BRIP1: variants seen among roughly 807,000 people sequenced by gnomAD.
BRIP1 encodes BRCA1 interacting DNA helicase 1, also known as Fanconi anemia group J protein.
Under a neutral mutation model 119.7 loss-of-function variants are expected in BRIP1, and 88 were observed. The ratio of observed to expected loss-of-function variants is 0.74; its 90% CI spans 0.62 to 0.88. BRIP1 has a LOEUF of 0.88. BRIP1 is among the 40% of genes least tolerant of loss of function. BRIP1 has a pLI of 0.00. For missense variants in BRIP1, 1,259 were observed against 1,455.4 expected, an observed-to-expected ratio of 0.87 and a Z score of 2.20; for synonymous variants, 443 against 496.5, an observed-to-expected ratio of 0.89 and a Z score of 1.43.
Position 61,820,518 on chromosome 17 carries a change from T to C in BRIP1, c.628-11761A>G, listed in dbSNP as rs532994437. On this transcript the variant is annotated intron_variant, in intron 6 of 19. Coordinates refer to ENST00000259008, the MANE Select transcript of BRIP1 (RefSeq NM_032043.3). ...ACTAACATTGACTAGATTGCCACAT[T>C]TGGATGAGACATATACTCTCAAGGT... Among the ~76,000 whole-genome samples the C allele has an allele frequency of 2.6e-5, 4 of 152,276 alleles. No individual in the cohort carries two copies. In the South Asian group the frequency reaches 8.3e-4, roughly 32 times the overall value.
chr17:61,808,748 G>A lies in BRIP1; in HGVS notation c.637C>T (p.His213Tyr), dbSNP rs772140734. 1 of 1,612,710 alleles carries A rather than the reference G, an allele frequency of 6.2e-7. No homozygotes were observed. The highest frequency in any genetic ancestry group is 1.7e-5 in the Admixed American group (1 of 59,990). ...NSFSPQKPPG[H>Y]CSRCCCSTKQ... The stretch of plus-strand genomic sequence containing the variant: ...GTAGAACAACAGCACCTAGAACAGT[G>A]GCCAGGGGGCTGTAAGAAAGGAAAG... The change falls in exon 7 of 20, where the codon CAC becomes TAC. Residue 213 changes from histidine to tyrosine, a missense_variant. This residue lies in a region of BRIP1 where 501 missense variants were observed against 544.0 expected (regional missense o/e 0.92). Transcript: ENST00000259008. The surrounding 1 kb of genome is among the most constrained non-coding windows in gnomAD (Gnocchi z 4.1).
rs917063222 is a variant in BRIP1, at chr17:61,691,750, G to A, written c.2575+1680C>T. On this transcript the variant is annotated intron_variant, in intron 18 of 19. Transcript: ENST00000259008. The surrounding 1 kb of genome is among the most constrained non-coding windows in gnomAD (Gnocchi z 5.0). ...ATTACAGGCGTGAGCCACCATGCCC[G>A]GCTGCAATCTAAATTCATATGGAAC... is the stretch of plus-strand genomic sequence containing the variant. Among the ~76,000 whole-genome samples the A allele has an allele frequency of 3.9e-5, 6 of 152,106 alleles. No homozygotes were observed. The highest frequency in any genetic ancestry group is 1.3e-4 in the Admixed American group (2 of 15,258).
Position 61,857,117 on chromosome 17 carries a change from T to C in BRIP1, c.320A>G (p.His107Arg), listed in dbSNP as rs876659809. 6.2e-7 allele frequency: 1 copy of C among 1,614,044 alleles called. No homozygotes were observed. Among genetic ancestry groups the C allele is most frequent in the East Asian group, 2.2e-5 (1 of 44,876 alleles). The change falls in exon 4 of 20, where the codon CAT becomes CGT. Residue 107 changes from histidine to arginine, a missense_variant. His to Arg is a conservative substitution (Grantham distance 29). Around this residue, in one of 3 missense-constraint regions of BRIP1, gnomAD observed 501 missense variants for 544.0 expected, o/e 0.92. Coordinates refer to ENST00000259008, the MANE Select transcript of BRIP1 (RefSeq NM_032043.3). The surrounding 1 kb of genome is among the most constrained non-coding windows in gnomAD (Gnocchi z 5.1). ...AGGTGGTGTGCTTGGATAGTTGAAA[T>C]GACGTGAAGTTCCTTGGTTCATGTC... ...NNDMNQGTSR[H>R]FNYPSTPPSE...
chr17:61,797,063 A>G (rs1311686220), intron 9 of BRIP1, among the ~76,000 whole-genome samples: 1 of 152,044 alleles, frequency 6.6e-6, no homozygotes, highest in Non-Finnish European at 1.5e-5. Flanking sequence ...GTCTATTTTG[A>G]TATACAAAAA....
rs1260734029 is a variant in BRIP1, at chr17:61,803,348, T to C, written c.919-1874A>G. 6.6e-6 allele frequency among the ~76,000 whole-genome samples: 1 copy of C among 152,158 alleles called. No homozygotes were observed. The highest frequency in any genetic ancestry group is 2.4e-5 in the African/African-American group (1 of 41,440). On this transcript the variant is annotated intron_variant, in intron 7 of 19. Coordinates refer to ENST00000259008, the MANE Select transcript of BRIP1 (RefSeq NM_032043.3). The surrounding 1 kb of genome is among the most constrained non-coding windows in gnomAD (Gnocchi z 4.3). ...ATCCGCCTGCCTCGGCCTCCCAAAG[T>C]GCTGGGGATTACAGGCATGAGCCAC... is the stretch of plus-strand genomic sequence containing the variant.
intron 10 of BRIP1, among the ~76,000 whole-genome samples, chr17:61,785,601 G>T (rs1185602844): frequency 6.6e-6 from 1 of 151,920 alleles, no homozygotes; most frequent in East Asian, 1.9e-4. Context: ...TAAGTAGAAA[G>T]ACTTAAAAAA....
Position 61,780,794 on chromosome 17 carries a change from G to A in BRIP1, c.1794+46C>T, listed in dbSNP as rs2145088459. ...AGTCAACCACATTTATTAAAATGCT[G>A]GTACTGAGCAAGAAGACAAAATTTC... On this transcript the variant is annotated intron_variant, in intron 12 of 19. Coordinates refer to ENST00000259008, the MANE Select transcript of BRIP1 (RefSeq NM_032043.3). This position sits in a 1 kb window ranked among gnomAD's most constrained non-coding sequence, Gnocchi z 5.4. The A allele has an allele frequency of 6.4e-7, 1 of 1,563,662 alleles. No individual in the cohort carries two copies. The highest frequency in any genetic ancestry group is 1.7e-5 in the Admixed American group (1 of 59,944).
At chr17:61,711,046 A>C (rs188240322) in intron 17 of BRIP1, among the ~76,000 whole-genome samples, 14 of 151,814 alleles carry the variant, frequency 9.2e-5, no homozygotes, top group African/African-American at 2.2e-4. Flanking sequence ...AAAAAAAAAA[A>C]AAACAAACCC....
chr17:61,715,842 A>G, intron 17 of BRIP1, 109 bp downstream of exon 17: 1 of 669,984 alleles, frequency 1.5e-6, no homozygotes, highest in Admixed American at 2.9e-5. Context: ...CTATGGTTCC[A>G]GTTAAATAAA....
Position 61,803,136 on chromosome 17 carries a change from C to T in BRIP1, c.919-1662G>A, listed in dbSNP as rs186172899. Reference sequence around the variant, plus strand: ...AGAGATGGGAGTCTCACTCTGTCACCTGGGGTGCAGTGGCACGATCCAATC... The same window carrying T: ...AGAGATGGGAGTCTCACTCTGTCACTTGGGGTGCAGTGGCACGATCCAATC... On this transcript the variant is annotated intron_variant, in intron 7 of 19. Transcript: ENST00000259008. The surrounding 1 kb of genome is among the most constrained non-coding windows in gnomAD (Gnocchi z 4.3). 2.0e-5 allele frequency among the ~76,000 whole-genome samples: 3 copies of T among 151,960 alleles called. 1 individual carries two copies. The highest frequency in any genetic ancestry group is 4.4e-5 in the Non-Finnish European group (3 of 67,968).
intron 17 of BRIP1, among the ~76,000 whole-genome samples, chr17:61,714,073 G>A (rs1230501472): frequency 6.6e-6 from 1 of 152,150 alleles, no homozygotes; most frequent in Non-Finnish European, 1.5e-5. Flanking sequence ...CTACTTGGGA[G>A]GCTAAGGTGA....
chr17:61,689,044 T>TTATGTTATGTTATGTTATGTTATGA lies in BRIP1; in HGVS notation c.2576-2880_2576-2879insTCATAACATAACATAACATAACATA, dbSNP rs1343053204. Among the ~76,000 whole-genome samples, 4 of 151,736 alleles carry TTATGTTATGTTATGTTATGTTATGA rather than the reference T, an allele frequency of 2.6e-5. No homozygotes were observed. Among genetic ancestry groups the TTATGTTATGTTATGTTATGTTATGA allele is most frequent in the Non-Finnish European group, 5.9e-5 (4 of 67,968 alleles). ...TTATATTCTGTTATGTTATGTTATG[T>TTATGTTATGTTATGTTATGTTATGA]TATGTTATGTTATTTTTTTGAGACA... On this transcript the variant is annotated intron_variant, in intron 18 of 19. Coordinates refer to ENST00000259008, the MANE Select transcript of BRIP1 (RefSeq NM_032043.3). The surrounding 1 kb of genome is among the most constrained non-coding windows in gnomAD (Gnocchi z 4.5).
rs1222801209 is a variant in BRIP1 at position 61,801,328 on chromosome 17, G to C, written c.1065C>G (p.Ala355=). Residue 355 remains alanine, a synonymous_variant, in exon 8 of 20, where the codon GCC becomes GCG. Transcript: ENST00000259008. ...KKLKACPYYT[A]RELIQDADII... ...TGTCAGCATCTTGTATTAGTTCTCG[G>C]GCTGTGTAATATGGACAGGCCTTTA... The C allele has an allele frequency of 6.2e-7, 1 of 1,613,838 alleles. No individual in the cohort carries two copies. Among genetic ancestry groups the C allele is most frequent in the Non-Finnish European group, 8.5e-7 (1 of 1,179,944 alleles).
At chr17:61,786,806 TATATATTTTATATAA>T (rs1408151432) in intron 10 of BRIP1, among the ~76,000 whole-genome samples, 8 of 130,772 alleles carry the variant, frequency 6.1e-5, no homozygotes, top group South Asian at 2.2e-4. Flanking sequence ...ATTATATATT[TATATATTTTATATAA>T]ATATATTTTA....
rs749920386 is a variant in BRIP1 at position 61,859,828 on chromosome 17, C to A, written c.173G>T (p.Cys58Phe). The change falls in exon 3 of 20, where the codon TGT becomes TTT. Residue 58 changes from cysteine to phenylalanine, a missense_variant. Coordinates refer to ENST00000259008, the MANE Select transcript of BRIP1 (RefSeq NM_032043.3). The part of the protein sequence containing the change: ...TGSGKSLALL[C>F]SALAWQQSLS... ...AGATTGTTGCCATGCTAAAGCAGAA[C>A]AAAGTAAGGCTAAGCTTTTTCCACT... 1 of 1,613,848 alleles carries A rather than the reference C, an allele frequency of 6.2e-7. No homozygotes were observed. Among genetic ancestry groups the A allele is most frequent in the Non-Finnish European group, 8.5e-7 (1 of 1,179,820 alleles).
At chr17:61,826,963 C>T (rs1603353371) in intron 6 of BRIP1, among the ~76,000 whole-genome samples, 1 of 152,234 alleles carries the variant, frequency 6.6e-6, no homozygotes, top group South Asian at 2.1e-4. Flanking sequence ...TATAAAGACA[C>T]ATGCACACGT....
chr17:61,683,232 C>T lies in BRIP1; in HGVS notation c.*64G>A. The T allele has an allele frequency of 1.3e-6, 2 of 1,501,744 alleles. No homozygotes were observed. The highest frequency in any genetic ancestry group is 1.8e-6 in the Non-Finnish European group (2 of 1,094,004). 93.0% of individuals were successfully genotyped at this position (1,501,744 alleles called of 1,614,324 possible). A position where few individuals can be genotyped will look rare whatever the true frequency, so the allele number is the denominator to read the frequency against. Reference sequence around the variant, plus strand: ...CACTTATTCAATTTACAAATTATTACTTACAACAGAGTTTAACATAAGCAT... The same window carrying T: ...CACTTATTCAATTTACAAATTATTATTTACAACAGAGTTTAACATAAGCAT... On this transcript the variant is annotated 3_prime_UTR_variant, in exon 20 of 20. Coordinates refer to ENST00000259008, the MANE Select transcript of BRIP1 (RefSeq NM_032043.3). The surrounding 1 kb of genome is among the most constrained non-coding windows in gnomAD (Gnocchi z 4.7).
At position 61,769,531 on chromosome 17, in the gene BRIP1, T is replaced by C. The variant is rs1447593180; in HGVS notation, c.2097+6870A>G. ...CGGTACTGACAAAAGATTATAATAA[T>C]GTGCTAGTTTGCTCTTATGACTAGA... is the stretch of plus-strand genomic sequence containing the variant. On this transcript the variant is annotated intron_variant, in intron 14 of 19. Coordinates refer to ENST00000259008, the MANE Select transcript of BRIP1 (RefSeq NM_032043.3). The surrounding 1 kb of genome is among the most constrained non-coding windows in gnomAD (Gnocchi z 4.9). 6.6e-6 allele frequency among the ~76,000 whole-genome samples: 1 copy of C among 152,220 alleles called. No individual in the cohort carries two copies. Among genetic ancestry groups the C allele is most frequent in the Non-Finnish European group, 1.5e-5 (1 of 68,032 alleles).
intron 10 of BRIP1, among the ~76,000 whole-genome samples, chr17:61,785,845 G>A (rs1295422605): frequency 1.3e-5 from 2 of 151,974 alleles, no homozygotes; most frequent in Non-Finnish European, 2.9e-5. Context: ...AAACAGAAGG[G>A]CTAAATGAAA....
Sources: allele counts gnomAD v4.1 joint callset (sites outside exome capture counted in the v4.1 genomes callset), GRCh38; gene constraint gnomAD v4.1.1; regional missense constraint gnomAD v4.1.1; non-coding constraint Gnocchi (gnomAD v3.1); transcripts MANE v1.5; gene names NCBI Gene and HGNC (gene_info 2026-07-23, HGNC 2026-07-21).